Variants in NDUFB10 observed in about 807,000 individuals in gnomAD.
The protein encoded by NDUFB10 is NADH dehydrogenase [ubiquinone] 1 beta subcomplex subunit 10.
NDUFB10 carries 23 observed loss-of-function variants against 19.0 expected under a neutral mutation model. That is an observed-to-expected ratio of 1.21 (90% CI 0.87 to 1.71). The LOEUF is 1.71. Among genes scored for constraint, NDUFB10 ranks in the 40% most tolerant of loss-of-function variants. The pLI, the probability that NDUFB10 is intolerant of heterozygous loss-of-function variation, is 0.00. For missense variants in NDUFB10, 312 were observed against 230.6 expected, an observed-to-expected ratio of 1.35 and a Z score of -2.29; for synonymous variants, 104 against 81.8, an observed-to-expected ratio of 1.27 and a Z score of -1.46.
At chr16:1,961,766 G>A (rs202033778) in intron 3 of NDUFB10, 31 bp from the exon 4 acceptor site, 21 of 1,546,140 alleles carry the variant, frequency 1.4e-5, no homozygotes, top group Admixed American at 5.9e-5. Context: ...CAGAGGCCTC[G>A]GTTCCCAGCT....
At chr16:1,960,043 C>T (rs956890165) in intron 1 of NDUFB10, among the ~76,000 whole-genome samples, 6 of 151,668 alleles carry the variant, frequency 4.0e-5, no homozygotes, top group African/African-American at 7.3e-5. Context: ...GCGCCCACTG[C>T]CCCAGGACCC....
At position 1,961,124 on chromosome 16, in the gene NDUFB10, C is replaced by CG. The variant is rs2083251157; in HGVS notation, c.131-29_131-28insG. ...TAAAAGCCTGTCCAAACCGATGAGG[C>CG]ATTTGAGTCTGTGGCTTTGTCTTTG... On this transcript the variant is annotated intron_variant, in intron 1 of 3. Transcript: ENST00000268668. 3 of 1,611,852 alleles carry CG rather than the reference C, an allele frequency of 1.9e-6. No homozygotes were observed. The East Asian group carries it at 6.7e-5, about 36-fold the overall frequency.
Sources: gnomAD v4.1 joint callset for allele counts (sites outside exome capture counted in the v4.1 genomes callset) on GRCh38, gnomAD v4.1.1 for gene constraint, MANE v1.5 for transcripts, NCBI Gene and HGNC (gene_info 2026-07-23, HGNC 2026-07-21) for gene names.